The following ZBTB40 variants were observed in gnomAD, a reference collection of about 807,000 sequenced individuals.
The protein encoded by ZBTB40 is zinc finger and BTB domain-containing protein 40.
In ZBTB40, 60 loss-of-function variants were observed where a neutral mutation model predicts 117.5. The observed-to-expected ratio is 0.51, with a 90% CI of 0.41 to 0.63. The LOEUF is 0.63. Among genes scored for constraint, ZBTB40 ranks in the 30% least tolerant of loss-of-function variants. ZBTB40 has a pLI of 0.00. For missense variants in ZBTB40, 1,287 were observed against 1,498.5 expected, an observed-to-expected ratio of 0.86 and a Z score of 2.33; for synonymous variants, 525 against 577.1, an observed-to-expected ratio of 0.91 and a Z score of 1.29.
chr1:22,511,965 A>G lies in ZBTB40; in HGVS notation c.2292A>G (p.Lys764=). 6.2e-7 allele frequency: 1 copy of G among 1,614,206 alleles called. No homozygotes were observed. Residue 764 remains lysine (K), a synonymous_variant, in exon 11 of 18, where the codon AAA becomes AAG. Transcript: ENST00000375647. Reference sequence around the variant, plus strand: ...AGCGCTGCCGGGTGGCTAAGAGCAAACAGGTGCAGTGTAAGGAGTGCAGTG... The same window carrying G: ...AGCGCTGCCGGGTGGCTAAGAGCAAGCAGGTGCAGTGTAAGGAGTGCAGTG... ...HMKRCRVAKS[K]QVQCKECSET...
chr1:22,436,191 A>ATT (rs1557470999), intron 1 of ZBTB40, among the ~76,000 whole-genome samples: 1 of 129,210 alleles, frequency 7.7e-6, no homozygotes, highest in Non-Finnish European at 1.9e-5. Context: ...AAATGAAAAC[A>ATT]TATGTTCACA....
rs1185255930 is a variant in ZBTB40, at chr1:22,502,393, G to T, written c.1119G>T (p.Glu373Asp). The T allele has an allele frequency of 1.3e-5, 21 of 1,613,994 alleles. No homozygotes were observed. Among genetic ancestry groups the T allele is most frequent in the Non-Finnish European group, 1.8e-5 (21 of 1,179,996 alleles). The change falls in exon 5 of 18, where the codon GAG (glutamate) becomes GAT (aspartate). Residue 373 changes from glutamate to aspartate, a missense_variant. Transcript: ENST00000375647. ...TAACACAGCTGAGACCTATTATGGAGTCCCTGGAAACAGCCAAGGAGGAAT... is the reference window on the plus strand; with the variant it reads ...TAACACAGCTGAGACCTATTATGGATTCCCTGGAAACAGCCAAGGAGGAAT... Reference protein sequence around the residue: ...QCVTQLRPIMESLETAKEEFL... With the variant: ...QCVTQLRPIMDSLETAKEEFL...
intron 17 of ZBTB40, among the ~76,000 whole-genome samples, chr1:22,525,166 C>T (rs1432816801): frequency 6.6e-6 from 1 of 152,154 alleles, no homozygotes; most frequent in African/African-American, 2.4e-5. Flanking sequence ...GGCAGGACTC[C>T]CGCCAACACT....
chr1:22,473,322 T>A (rs1641457667), intron 1 of ZBTB40, among the ~76,000 whole-genome samples: 1 of 152,198 alleles, frequency 6.6e-6, no homozygotes, highest in African/African-American at 2.4e-5. Context: ...GGGCATGAGC[T>A]TTCGGGTCAG....
rs892147625 is a variant in ZBTB40 at position 22,527,064 on chromosome 1, C to T, written c.*668C>T. On this transcript the variant is annotated 3_prime_UTR_variant, in exon 18 of 18. Coordinates refer to ENST00000375647, the MANE Select transcript of ZBTB40 (RefSeq NM_014870.4). ...GTTGTCAGCTCTTCCCAAAACAAAG[C>T]TCTGGAGTTTCTGCTGGAAGTGTTT... is the stretch of plus-strand genomic sequence containing the variant. The T allele has an allele frequency of 6.4e-6, 1 of 155,900 alleles. No individual in the cohort carries two copies. The highest frequency in any genetic ancestry group is 6.2e-5 in the Admixed American group (1 of 16,090). 9.7% of individuals were successfully genotyped at this position (155,900 alleles called of 1,614,324 possible).
chr1:22,511,324 T>C lies in ZBTB40; in HGVS notation c.1979T>C (p.Val660Ala), dbSNP rs1639225868. The change falls in exon 10 of 18, where the codon GTC (valine) becomes GCC (alanine). Residue 660 changes from valine (V) to alanine (A), a missense_variant. By Grantham distance (64) the Val-to-Ala change is moderately conservative. This residue lies in a region of ZBTB40 where 870 missense variants were observed against 934.4 expected (regional missense o/e 0.93). Coordinates refer to ENST00000375647, the MANE Select transcript of ZBTB40 (RefSeq NM_014870.4). The part of the protein sequence containing the change: ...VHKSFPGLQP[V>A]MQELAYIGVL... Reference sequence around the variant, plus strand: ...AAATCTTTTCCAGGCCTGCAGCCTGTCATGCAGGAGTTGGCATACATTGGT... The same window carrying C: ...AAATCTTTTCCAGGCCTGCAGCCTGCCATGCAGGAGTTGGCATACATTGGT... 6.2e-7 allele frequency: 1 copy of C among 1,614,066 alleles called. No individual in the cohort carries two copies. Among genetic ancestry groups the C allele is most frequent in the Non-Finnish European group, 8.5e-7 (1 of 1,180,034 alleles).
chr1:22,429,962 A>G (rs1027994466), intron 1 of ZBTB40, among the ~76,000 whole-genome samples: 1 of 152,158 alleles, frequency 6.6e-6, no homozygotes, highest in South Asian at 2.1e-4. Context: ...GCGCCATTGC[A>G]CTCCAGCCTG....
At chr1:22,476,605 C>T (rs560855112) in intron 1 of ZBTB40, among the ~76,000 whole-genome samples, 1 of 152,304 alleles carries the variant, frequency 6.6e-6, no homozygotes, top group Admixed American at 6.5e-5. Context: ...GGAAAGCTGG[C>T]CTAGTTTCTA....
chr1:22,477,256 T>A (rs143231236), intron 1 of ZBTB40, among the ~76,000 whole-genome samples: 43 of 152,340 alleles, frequency 2.8e-4, no homozygotes, highest in African/African-American at 9.6e-4. Flanking sequence ...GTTTCAAAAC[T>A]GTTTAATGAG....
At chr1:22,465,149 C>T (rs1039518730) in intron 1 of ZBTB40, among the ~76,000 whole-genome samples, 3 of 152,174 alleles carry the variant, frequency 2.0e-5, no homozygotes, top group Non-Finnish European at 2.9e-5. Flanking sequence ...GGTTGTCTGT[C>T]GAGTGTTCAG....
chr1:22,508,836 A>T, intron 8 of ZBTB40, 105 bp downstream of exon 8: 1 of 1,250,632 alleles, frequency 8.0e-7, no homozygotes, highest in Non-Finnish European at 1.1e-6. Flanking sequence ...CTACATCCCT[A>T]CTATTAGAAG....
At position 22,513,107 on chromosome 1, in the gene ZBTB40, A is replaced by G; in HGVS notation, c.2645A>G (p.His882Arg). ...TFTQASALAY[H>R]TKKKHSEGKM... Reference sequence around the variant, plus strand: ...ACCCAGGCCTCCGCCCTGGCCTATCACACCAAGAAGAAGCACTCAGAAGGT... The same window carrying G: ...ACCCAGGCCTCCGCCCTGGCCTATCGCACCAAGAAGAAGCACTCAGAAGGT... The change falls in exon 12 of 18, where the codon CAC becomes CGC. Residue 882 changes from histidine (H) to arginine (R), a missense_variant. By Grantham distance (29) the His-to-Arg change is conservative (BLOSUM62 0). Transcript: ENST00000375647. This position sits in a 1 kb window ranked among gnomAD's most constrained non-coding sequence, Gnocchi z 4.9. 1 of 1,614,064 alleles carries G rather than the reference A, an allele frequency of 6.2e-7. No individual in the cohort carries two copies. The highest frequency in any genetic ancestry group is 8.5e-7 in the Non-Finnish European group (1 of 1,179,988).
intron 1 of ZBTB40, among the ~76,000 whole-genome samples, chr1:22,476,850 T>C (rs1200481900): frequency 6.6e-6 from 1 of 152,216 alleles, no homozygotes; most frequent in Non-Finnish European, 1.5e-5. Flanking sequence ...AAGTACTTAA[T>C]AACATAATTT....
upstream of ZBTB40, among the ~76,000 whole-genome samples, chr1:22,448,303 A>G (rs1187520204): frequency 6.6e-6 from 1 of 152,266 alleles, no homozygotes; most frequent in African/African-American, 2.4e-5. Flanking sequence ...TGTCCAGCAC[A>G]TAGTGCTTAT....
At chr1:22,485,813 G>T (rs528611880) in intron 1 of ZBTB40, among the ~76,000 whole-genome samples, 1 of 151,838 alleles carries the variant, frequency 6.6e-6, no homozygotes, top group Non-Finnish European at 1.5e-5. Context: ...TTCCTCAGTC[G>T]TGTCCAGTCT....
At chr1:22,524,078 C>T (rs1184226161) in intron 16 of ZBTB40, 140 bp from the exon 17 acceptor site, 16 of 793,500 alleles carry the variant, frequency 2.0e-5, no homozygotes, top group Admixed American at 1.0e-4. Flanking sequence ...GAATAACGTT[C>T]GTGTCCCACA....
chr1:22,484,480 T>C (rs1232835756), intron 1 of ZBTB40, among the ~76,000 whole-genome samples: 1 of 152,236 alleles, frequency 6.6e-6, no homozygotes, highest in Non-Finnish European at 1.5e-5. Context: ...AATTGGCTTT[T>C]GTATATTAAC....
At chr1:22,440,943 T>G (rs1272171028) in intron 1 of ZBTB40, among the ~76,000 whole-genome samples, 1 of 152,204 alleles carries the variant, frequency 6.6e-6, no homozygotes, top group Admixed American at 6.5e-5. Context: ...GTTTTCTTTT[T>G]CTTGTAGTGC....
At chr1:22,444,218 G>A (rs145676128) in intron 1 of ZBTB40, among the ~76,000 whole-genome samples, 286 of 152,220 alleles carry the variant, frequency 1.9e-3, no homozygotes, top group Non-Finnish European at 3.4e-3. Context: ...TTCGAGACCA[G>A]CCTGGCAAAC....
Sources: gnomAD v4.1 joint callset for allele counts (sites outside exome capture counted in the v4.1 genomes callset) on GRCh38, gnomAD v4.1.1 for gene constraint, gnomAD v4.1.1 regional missense constraint, Gnocchi (gnomAD v3.1) non-coding constraint, MANE v1.5 for transcripts, NCBI Gene and HGNC (gene_info 2026-07-23, HGNC 2026-07-21) for gene names.